Variants in LAMA2 observed in about 807,000 individuals in gnomAD.
The protein encoded by LAMA2 is laminin subunit alpha 2.
A neutral mutation model predicts 364.8 loss-of-function variants in LAMA2; 269 were observed. The observed-to-expected ratio is 0.74, with a 90% CI of 0.67 to 0.82. The LOEUF (loss-of-function observed/expected upper bound fraction) is 0.82, where lower values mean the gene tolerates loss of function less well. LAMA2 is among the 40% of genes least tolerant of loss of function. LAMA2 has a pLI of 0.00. For missense variants in LAMA2, 3,807 were observed against 3,873.2 expected, an observed-to-expected ratio of 0.98 and a Z score of 0.45; for synonymous variants, 1,379 against 1,370.6, an observed-to-expected ratio of 1.01 and a Z score of -0.14.
chr6:129,492,702 G>T (rs1001173353), intron 58 of LAMA2, among the ~76,000 whole-genome samples: 17 of 152,024 alleles, frequency 1.1e-4, no homozygotes. Context: ...TGAAATGTTG[G>T]AAAACACAGA....
intron 1 of LAMA2, among the ~76,000 whole-genome samples, chr6:129,027,457 G>T (rs1785903957): frequency 1.3e-5 from 2 of 152,136 alleles, no homozygotes; most frequent in South Asian, 4.1e-4. Flanking sequence ...GATAAGAACT[G>T]TCAAGTGTTG....
chr6:129,243,853 G>T (rs368179149), intron 12 of LAMA2, among the ~76,000 whole-genome samples: 2 of 85,638 alleles, frequency 2.3e-5, no homozygotes, highest in Non-Finnish European at 6.4e-5. Context: ...AGAAGAAAAA[G>T]AAAAGAAGAA....
At chr6:129,097,352 A>T (rs77423630) in intron 3 of LAMA2, among the ~76,000 whole-genome samples, 18 of 152,246 alleles carry the variant, frequency 1.2e-4, no homozygotes, top group Non-Finnish European at 1.6e-4. Context: ...GTAAAGACAC[A>T]GATATGCACT....
rs1562610082 is a variant in LAMA2 at position 129,487,806 on chromosome 6, T to C, written c.7898+1184T>C. Among the ~76,000 whole-genome samples, 4 of 152,066 alleles carry C rather than the reference T, an allele frequency of 2.6e-5. No homozygotes were observed. The South Asian group carries it at 8.3e-4, about 32-fold the overall frequency. On this transcript the variant is annotated intron_variant, in intron 56 of 64. Transcript: ENST00000421865. ...GTTTAGAAACCATGATCGAGACAAA[T>C]GAGGGATCATTTATTTGGACAAACT...
At chr6:129,455,832 G>A (rs1782932809) in intron 47 of LAMA2, among the ~76,000 whole-genome samples, 1 of 151,994 alleles carries the variant, frequency 6.6e-6, no homozygotes, top group Admixed American at 6.6e-5. Flanking sequence ...CAACAAACTG[G>A]GATCCAAGAT....
intron 37 of LAMA2, among the ~76,000 whole-genome samples, chr6:129,396,348 A>G (rs1779616974): frequency 6.6e-6 from 1 of 152,240 alleles, no homozygotes; most frequent in Admixed American, 6.5e-5. Context: ...GAGATTCAGC[A>G]AAAGTTTCAC....
At chr6:129,059,025 A>G (rs55950318) in intron 2 of LAMA2, among the ~76,000 whole-genome samples, 3,496 of 152,274 alleles carry the variant, frequency 0.023, 134 homozygotes, top group African/African-American at 0.08. Context: ...GTGCCGACAG[A>G]CTTCAGTCTC....
chr6:129,147,744 G>A (rs1165872335), intron 6 of LAMA2, among the ~76,000 whole-genome samples: 1 of 151,784 alleles, frequency 6.6e-6, no homozygotes, highest in Non-Finnish European at 1.5e-5. Context: ...AATGTAAATC[G>A]GGCCACAGAT....
At chr6:129,048,445 TTTCTTTC>T (rs1245338043) in intron 1 of LAMA2, among the ~76,000 whole-genome samples, 72 of 52,404 alleles carry the variant, frequency 1.4e-3, no homozygotes, top group African/African-American at 6.2e-3. Flanking sequence ...TTTTCTTTTC[TTTCTTTC>T]TTTCTTTCTT....
chr6:129,041,460 A>C (rs2114755258), intron 1 of LAMA2, among the ~76,000 whole-genome samples: 1 of 152,342 alleles, frequency 6.6e-6, no homozygotes, highest in Non-Finnish European at 1.5e-5. Context: ...CTGATTCTGA[A>C]GGAAGTTGAA....
intron 63 of LAMA2, 65 bp from the exon 64 acceptor site, chr6:129,514,308 G>C: frequency 8.9e-7 from 1 of 1,125,114 alleles, no homozygotes; most frequent in Non-Finnish European, 1.3e-6. Context: ...TCATTTGTAT[G>C]TGTGAACCAT....
intron 10 of LAMA2, among the ~76,000 whole-genome samples, chr6:129,188,148 A>G (rs1312903177): frequency 6.6e-6 from 1 of 151,838 alleles, no homozygotes; most frequent in East Asian, 1.9e-4. Context: ...GTTGATTGTG[A>G]GTATATCTTT....
intron 51 of LAMA2, among the ~76,000 whole-genome samples, chr6:129,470,052 CAT>C (rs957949518): frequency 2.0e-5 from 3 of 151,760 alleles, no homozygotes; most frequent in African/African-American, 7.2e-5. Flanking sequence ...TATACAATTA[CAT>C]GTTACAAACA....
intron 3 of LAMA2, among the ~76,000 whole-genome samples, chr6:129,093,730 A>C (rs1034423249): frequency 1.3e-5 from 2 of 152,272 alleles, no homozygotes; most frequent in African/African-American, 4.8e-5. Context: ...AATGAGTAAC[A>C]AATGGAATAT....
At chr6:128,980,108 A>G (rs1782772791) in intron 1 of LAMA2, among the ~76,000 whole-genome samples, 1 of 152,206 alleles carries the variant, frequency 6.6e-6, no homozygotes, top group Non-Finnish European at 1.5e-5. Flanking sequence ...TTGCTGATAT[A>G]GCCACCTGAC....
intron 34 of LAMA2, among the ~76,000 whole-genome samples, chr6:129,376,502 CA>C (rs1400928952): frequency 6.6e-6 from 1 of 152,202 alleles, no homozygotes; most frequent in African/African-American, 2.4e-5. Context: ...GCAGTGCTTA[CA>C]AACTCTTCCC....
intron 15 of LAMA2, among the ~76,000 whole-genome samples, chr6:129,264,238 C>T (rs1297356312): frequency 6.6e-6 from 1 of 152,072 alleles, no homozygotes; most frequent in Admixed American, 6.6e-5. Flanking sequence ...GATAGTAGAA[C>T]AAATAGGACT....
At chr6:129,481,208 C>CTTAT (rs1784329065) in intron 54 of LAMA2, 55 bp from the exon 55 acceptor site, 1 of 1,412,916 alleles carries the variant, frequency 7.1e-7, no homozygotes, top group Admixed American at 1.7e-5. Flanking sequence ...AGATGGAGAA[C>CTTAT]TTATTTAAAT....
In LAMA2 at chr6:128,968,577, G is replaced by A. The variant is rs149394629; in HGVS notation, c.113-81341G>A. On this transcript the variant is annotated intron_variant, in intron 1 of 64. Transcript: ENST00000421865. ...AGAAAGGCCCTGCTAAAGAAGTGTT[G>A]GGTTGGTTAGAGCCCAGCAAGGGAC... Among the ~76,000 whole-genome samples, 4 of 152,286 alleles carry A rather than the reference G, an allele frequency of 2.6e-5. No homozygotes were observed. The East Asian group carries it at 7.7e-4, about 29-fold the overall frequency.
Sources: gnomAD v4.1 joint callset for allele counts (sites outside exome capture counted in the v4.1 genomes callset) on GRCh38, gnomAD v4.1.1 for gene constraint, MANE v1.5 for transcripts, NCBI Gene and HGNC (gene_info 2026-07-23, HGNC 2026-07-21) for gene names.